Variants in CD8B2 observed in about 807,000 individuals in gnomAD.
The protein encoded by CD8B2 is T-cell surface glycoprotein CD8 beta-2 chain.
In CD8B2, 11 loss-of-function variants were observed where a neutral mutation model predicts 23.7. The observed-to-expected ratio is 0.46, with a 90% CI of 0.29 to 0.77. The LOEUF is 0.77. Among genes scored for constraint, CD8B2 ranks in the 30% least tolerant of loss-of-function variants. CD8B2 has a pLI of 0.09. For missense variants in CD8B2, 197 were observed against 270.5 expected (o/e 0.73, Z 1.91); for synonymous variants, 90 against 109.3 (o/e 0.82, Z 1.10).
At chr2:106,519,375 T>A (rs979238389) in intron 5 of CD8B2, among the ~76,000 whole-genome samples, 1 of 152,214 alleles carries the variant, frequency 6.6e-6, no homozygotes, top group African/African-American at 2.4e-5. Flanking sequence ...AAGAAACACA[T>A]CCTTTGACTT....
At chr2:106,500,379 T>C (rs1211499033) in intron 3 of CD8B2, among the ~76,000 whole-genome samples, 5 of 141,120 alleles carry the variant, frequency 3.5e-5, no homozygotes, top group Non-Finnish European at 6.2e-5. Context: ...ATCAGCCGGG[T>C]GTGGTGACAG....
intron 2 of CD8B2, 149 bp from the exon 3 acceptor site, chr2:106,496,024 C>T (rs2104553065): frequency 1.5e-6 from 2 of 1,341,364 alleles, no homozygotes; most frequent in East Asian, 2.5e-5. Context: ...GTCTCAACCT[C>T]CCGAGCTCAA....
chr2:106,544,030 A>G, exon 6 of CD8B2: 1 of 398,600 alleles, frequency 2.5e-6, no homozygotes, highest in East Asian at 3.6e-5. Context: ...TTCCCCATGG[A>G]TGCCTAGCAA....
chr2:106,538,258 A>G (rs1680119656), intron 5 of CD8B2, among the ~76,000 whole-genome samples: 1 of 152,166 alleles, frequency 6.6e-6, no homozygotes, highest in Non-Finnish European at 1.5e-5. Context: ...TGGTCAACTC[A>G]GGGGCTGAGG....
At chr2:106,540,895 G>C (rs1558889118) in intron 5 of CD8B2, among the ~76,000 whole-genome samples, 1 of 152,212 alleles carries the variant, frequency 6.6e-6, no homozygotes, top group Non-Finnish European at 1.5e-5. Flanking sequence ...TTTGCAGTAA[G>C]TATTCAAAGT....
At chr2:106,489,561 G>A (rs1484937918) in intron 1 of CD8B2, among the ~76,000 whole-genome samples, 1 of 152,134 alleles carries the variant, frequency 6.6e-6, no homozygotes, top group Admixed American at 6.5e-5. Flanking sequence ...CTCTGCCCTG[G>A]CCTGCAATGT....
chr2:106,503,636 T>G (rs1679454490), intron 4 of CD8B2, among the ~76,000 whole-genome samples: 1 of 152,170 alleles, frequency 6.6e-6, no homozygotes, highest in South Asian at 2.1e-4. Flanking sequence ...ATGTATGTTA[T>G]TAAATGTGCT....
At chr2:106,500,743 C>A (rs185683580) in intron 3 of CD8B2, among the ~76,000 whole-genome samples, 1 of 152,062 alleles carries the variant, frequency 6.6e-6, no homozygotes, top group South Asian at 2.1e-4. Flanking sequence ...CCCTGCTTTG[C>A]CCCTCAGCTA....
intron 5 of CD8B2, 90 bp downstream of exon 5, chr2:106,504,415 C>G (rs1679466802): frequency 6.5e-7 from 1 of 1,547,420 alleles, no homozygotes; most frequent in Admixed American, 2.0e-5. Context: ...AAAGTCAGAC[C>G]TCATCTTCCA....
rs550821743 is a variant in CD8B2 at position 106,502,490 on chromosome 2, C to T, written c.510C>T (p.Pro170=). 1.4e-4 allele frequency: 219 copies of T among 1,577,336 alleles called. No homozygotes were observed. The highest frequency in any genetic ancestry group is 1.7e-4 in the Non-Finnish European group (197 of 1,159,776). Residue 170 remains proline, a synonymous_variant, in exon 4 of 6, where the codon CCC becomes CCT. Transcript: ENST00000643224. The part of the protein sequence containing the change: ...PETQKGPLCS[P]VTLGLLVAGV... The stretch of plus-strand genomic sequence containing the variant: ...GTTTTCCAGGCCCACTTTGTAGCCC[C>T]GTCACCCTTGGCCTGCTGGTGGCTG...
chr2:106,502,909 G>A (rs1282104917), intron 4 of CD8B2, among the ~76,000 whole-genome samples: 2 of 151,846 alleles, frequency 1.3e-5, no homozygotes, highest in African/African-American at 4.8e-5. Flanking sequence ...CCTGGCACTC[G>A]GCACGTGTCA....
Position 106,526,388 on chromosome 2 carries a change from C to T in CD8B2, c.621-17604C>T, listed in dbSNP as rs182272304. On this transcript the variant is annotated intron_variant, in intron 5 of 5. Transcript: ENST00000416057. ...GGCACTTCACCTCCCAAAATGAAAT[C>T]CCATACTTGTTAGCATTCACGGCCA... Among the ~76,000 whole-genome samples, 4 of 152,240 alleles carry T rather than the reference C, an allele frequency of 2.6e-5. No homozygotes were observed. The East Asian group carries it at 7.7e-4, about 29-fold the overall frequency.
chr2:106,503,864 G>A lies in CD8B2; in HGVS notation c.584-425G>A, dbSNP rs116831887. Among the ~76,000 whole-genome samples the A allele has an allele frequency of 9.6e-3, 1,459 of 152,316 alleles. 33 individuals are homozygous for A. The highest frequency in any genetic ancestry group is 0.033 in the African/African-American group (1,370 of 41,570). On this transcript the variant is annotated intron_variant, in intron 4 of 5. Coordinates refer to ENST00000643224, the MANE Select transcript of CD8B2 (RefSeq NM_001349727.2). ...TTCCTAACTCCCAGTGGGAAATCTC[G>A]CTCATCCTCTGAATGCAATTGCCCT...
chr2:106,491,101 G>C lies in CD8B2; in HGVS notation c.271G>C (p.Ala91Pro). ...HGEEVEQEKI[A>P]VFRDASRFIL... is the part of the protein sequence containing the mutation. ...TGAAGAGGTGGAACAGGAGAAGATA[G>C]CTGTGTTTCGGGATGCAAGCCGGTT... The change falls in exon 2 of 6, where the codon GCT (alanine) becomes CCT (proline). Residue 91 changes from alanine (A) to proline (P), a missense_variant. Ala to Pro is a conservative substitution (Grantham distance 27). Around this residue, in one of 3 missense-constraint regions of CD8B2, gnomAD observed 140 missense variants for 164.2 expected, o/e 0.85. Coordinates refer to ENST00000643224, the MANE Select transcript of CD8B2 (RefSeq NM_001349727.2). 6.2e-7 allele frequency: 1 copy of C among 1,613,936 alleles called. No individual in the cohort carries two copies. Among genetic ancestry groups the C allele is most frequent in the South Asian group, 1.1e-5 (1 of 91,070 alleles).
At chr2:106,498,010 C>A (rs111840406) in intron 3 of CD8B2, among the ~76,000 whole-genome samples, 3,102 of 152,244 alleles carry the variant, frequency 0.02, 50 homozygotes, top group Non-Finnish European at 0.028. Context: ...AAACCTTCAT[C>A]CTAGCACTAA....
chr2:106,492,205 T>A (rs1473839125), intron 2 of CD8B2, among the ~76,000 whole-genome samples: 3 of 152,056 alleles, frequency 2.0e-5, no homozygotes, highest in Non-Finnish European at 4.4e-5. Context: ...GGGGTGCTGA[T>A]GGCCTCCATG....
At chr2:106,487,715 C>T (rs1679103894) in intron 1 of CD8B2, among the ~76,000 whole-genome samples, 1 of 152,096 alleles carries the variant, frequency 6.6e-6, no homozygotes, top group African/African-American at 2.4e-5. Context: ...AGCCTGGACG[C>T]AGGAGAAGGG....
At chr2:106,543,635 G>C (rs987538478) in intron 5 of CD8B2, among the ~76,000 whole-genome samples, 1 of 151,988 alleles carries the variant, frequency 6.6e-6, no homozygotes, top group African/African-American at 2.4e-5. Context: ...GTAACAGGGC[G>C]AGACTCTGTC....
At position 106,507,310 on chromosome 2, in the gene CD8B2, T is replaced by A; in HGVS notation, c.*370T>A. 1 of 1,039,986 alleles carries A rather than the reference T, an allele frequency of 9.6e-7. No individual in the cohort carries two copies. The highest frequency in any genetic ancestry group is 8.4e-5 in the East Asian group (1 of 11,926). 64.4% of individuals were successfully genotyped at this position (1,039,986 alleles called of 1,614,324 possible). ...AAGTTGCTTTGCCCTGGTAGGGCAGTAACATTGGGTCCTGGGTCTTTCATG... is the reference window on the plus strand; with the variant it reads ...AAGTTGCTTTGCCCTGGTAGGGCAGAAACATTGGGTCCTGGGTCTTTCATG... On this transcript the variant is annotated 3_prime_UTR_variant, in exon 6 of 6. Transcript: ENST00000643224.
Sources: allele counts gnomAD v4.1 joint callset (sites outside exome capture counted in the v4.1 genomes callset), GRCh38; gene constraint gnomAD v4.1.1; regional missense constraint gnomAD v4.1.1; transcripts MANE v1.5; gene names NCBI Gene and HGNC (gene_info 2026-07-23, HGNC 2026-07-21).